The following TRAPPC9 variants were observed in gnomAD, a reference collection of about 807,000 sequenced individuals.
The protein encoded by TRAPPC9 is trafficking protein particle complex subunit 9, also known as IKK2 binding protein.
Under a neutral mutation model 124.0 loss-of-function variants are expected in TRAPPC9, and 83 were observed. That is an observed-to-expected ratio of 0.67 (90% CI 0.56 to 0.80). TRAPPC9 has a LOEUF of 0.80. TRAPPC9 is among the 30% of genes least tolerant of loss of function. TRAPPC9 has a pLI of 0.00. For synonymous variants in TRAPPC9, 638 were observed against 617.5 expected (o/e 1.03, Z -0.49); for missense variants, 1,302 against 1,508.3 (o/e 0.86, Z 2.27).
At chr8:140,458,523 C>T (rs771392702), upstream of TRAPPC9, 1 of 1,583,788 alleles carries the variant, frequency 6.3e-7, no homozygotes, top group East Asian at 2.3e-5. Flanking sequence ...GGGCCGGCTT[C>T]CCCCTGTGTG....
intron 19 of TRAPPC9, among the ~76,000 whole-genome samples, chr8:139,954,705 C>T (rs888501840): frequency 4.6e-5 from 7 of 152,246 alleles, no homozygotes; most frequent in Admixed American, 4.6e-4. Context: ...ATTACCTTCA[C>T]TGCCACCAGC....
At chr8:140,413,139 A>C (rs1332415875) in intron 5 of TRAPPC9, among the ~76,000 whole-genome samples, 1 of 152,214 alleles carries the variant, frequency 6.6e-6, no homozygotes, top group African/African-American at 2.4e-5. Context: ...CTGTAATCCC[A>C]GCACTTTGGG....
At chr8:139,744,187 T>A (rs1366542276) in intron 21 of TRAPPC9, among the ~76,000 whole-genome samples, 1 of 152,216 alleles carries the variant, frequency 6.6e-6, no homozygotes, top group Non-Finnish European at 1.5e-5. Flanking sequence ...ATTTCAACTC[T>A]TTATTGTATA....
At chr8:140,080,802 T>G (rs1252769350) in intron 17 of TRAPPC9, among the ~76,000 whole-genome samples, 5 of 152,196 alleles carry the variant, frequency 3.3e-5, no homozygotes, top group African/African-American at 1.2e-4. Flanking sequence ...TCTAGTGCTA[T>G]GGGCCAGAGC....
At chr8:140,456,056 T>C (rs2071651626) in intron 1 of TRAPPC9, among the ~76,000 whole-genome samples, 1 of 152,078 alleles carries the variant, frequency 6.6e-6, no homozygotes, top group Non-Finnish European at 1.5e-5. Context: ...TGGAGTTTCT[T>C]TCTGGGGTGA....
chr8:139,906,839 C>T (rs1163993383), intron 20 of TRAPPC9, among the ~76,000 whole-genome samples: 1 of 152,216 alleles, frequency 6.6e-6, no homozygotes, highest in African/African-American at 2.4e-5. Context: ...ATCTTTGCAA[C>T]CCACTTGTCA....
rs139913253 is a variant in TRAPPC9 at position 140,220,474 on chromosome 8, G to A, written c.2556+985C>T. Among the ~76,000 whole-genome samples, 9 of 152,248 alleles carry A rather than the reference G, an allele frequency of 5.9e-5. No individual in the cohort carries two copies. The East Asian group carries it at 7.7e-4, about 13-fold the overall frequency. ...GCTCTCCAGGAATGGGGCACTCCCC[G>A]CTACCAACAACCCCCTTCTTTACTG... On this transcript the variant is annotated intron_variant, in intron 17 of 22. Coordinates refer to ENST00000438773, the MANE Select transcript of TRAPPC9 (RefSeq NM_001160372.4).
Position 139,907,931 on chromosome 8 carries a change from A to G in TRAPPC9, c.2964+2216T>C, listed in dbSNP as rs1831464458. 6.6e-6 allele frequency among the ~76,000 whole-genome samples: 1 copy of G among 152,144 alleles called. No individual in the cohort carries two copies. Among genetic ancestry groups the G allele is most frequent in the Admixed American group, 6.5e-5 (1 of 15,282 alleles). ...TGGCCACGCCACTTTCTCTTTGTGA[A>G]GTGGAGTCACAGTTTTCATCTGCAA... On this transcript the variant is annotated intron_variant, in intron 20 of 22. Coordinates refer to ENST00000438773, the MANE Select transcript of TRAPPC9 (RefSeq NM_001160372.4). This position sits in a 1 kb window ranked among gnomAD's most constrained non-coding sequence, Gnocchi z 4.7.
At chr8:140,198,900 C>G (rs1457299704) in intron 17 of TRAPPC9, among the ~76,000 whole-genome samples, 1 of 152,202 alleles carries the variant, frequency 6.6e-6, no homozygotes, top group African/African-American at 2.4e-5. Context: ...TTAGCACATT[C>G]AACGTGCCAG....
intron 21 of TRAPPC9, among the ~76,000 whole-genome samples, chr8:139,856,706 T>G (rs1440630415): frequency 6.7e-6 from 1 of 150,370 alleles, no homozygotes; most frequent in Non-Finnish European, 1.5e-5. Context: ...CACTGTTAAT[T>G]TCCTCCCATG....
chr8:140,027,822 A>AGT (rs143662177), intron 17 of TRAPPC9, among the ~76,000 whole-genome samples: 1 of 152,038 alleles, frequency 6.6e-6, no homozygotes, highest in South Asian at 2.1e-4. Context: ...AAAGTGAGTG[A>AGT]GTGTGTGTGT....
At chr8:139,751,004 C>A (rs1819274383) in intron 21 of TRAPPC9, among the ~76,000 whole-genome samples, 1 of 152,192 alleles carries the variant, frequency 6.6e-6, no homozygotes, top group South Asian at 2.1e-4. Context: ...TGCAGACAGC[C>A]AAGCACAAGG....
At chr8:140,207,827 C>T (rs1347652165) in intron 17 of TRAPPC9, among the ~76,000 whole-genome samples, 3 of 152,178 alleles carry the variant, frequency 2.0e-5, no homozygotes, top group Non-Finnish European at 4.4e-5. Flanking sequence ...ATAAGCATGT[C>T]AATGCCTAGA....
chr8:139,767,320 T>G (rs927140280), intron 21 of TRAPPC9, among the ~76,000 whole-genome samples: 1 of 152,204 alleles, frequency 6.6e-6, no homozygotes, highest in East Asian at 1.9e-4. Context: ...TTTTCTGAAG[T>G]GAGCTAAGTT....
At chr8:140,425,331 G>A (rs774877417) in intron 5 of TRAPPC9, among the ~76,000 whole-genome samples, 1 of 152,182 alleles carries the variant, frequency 6.6e-6, no homozygotes, top group Non-Finnish European at 1.5e-5. Flanking sequence ...GACCATTACA[G>A]AGGATGTCCT....
intron 7 of TRAPPC9, among the ~76,000 whole-genome samples, chr8:140,390,160 C>T (rs923726250): frequency 1.3e-5 from 2 of 152,008 alleles, no homozygotes; most frequent in African/African-American, 4.8e-5. Context: ...AAAAATTAGC[C>T]GGGCAGTAGT....
At chr8:139,737,998 T>C (rs533258438) in intron 21 of TRAPPC9, among the ~76,000 whole-genome samples, 60 of 152,274 alleles carry the variant, frequency 3.9e-4, no homozygotes, top group Non-Finnish European at 6.5e-4. Context: ...CCGGATGCAA[T>C]TGAGAGGAAG....
intron 19 of TRAPPC9, among the ~76,000 whole-genome samples, chr8:139,945,728 T>C (rs1273060075): frequency 6.6e-6 from 1 of 152,170 alleles, no homozygotes; most frequent in Non-Finnish European, 1.5e-5. Flanking sequence ...ATGTGGGTCA[T>C]GAGACAAGTC....
At chr8:139,828,446 C>A (rs1366507940) in intron 21 of TRAPPC9, among the ~76,000 whole-genome samples, 1 of 152,206 alleles carries the variant, frequency 6.6e-6, no homozygotes, top group Non-Finnish European at 1.5e-5. Flanking sequence ...CGGCCAAAGG[C>A]ACACCAAAGG....
Sources: allele counts gnomAD v4.1 joint callset (sites outside exome capture counted in the v4.1 genomes callset), GRCh38; gene constraint gnomAD v4.1.1; non-coding constraint Gnocchi (gnomAD v3.1); transcripts MANE v1.5; gene names NCBI Gene and HGNC (gene_info 2026-07-23, HGNC 2026-07-21).